Variants in GGTA1 observed in about 807,000 individuals in gnomAD.
GGTA1 encodes the protein glycoprotein alpha-galactosyltransferase 1 (inactive).
In GGTA1, 5 loss-of-function variants were observed where a neutral mutation model predicts 2.6. The ratio of observed to expected loss-of-function variants is 1.92; its 90% CI spans 1.00 to 4.04. GGTA1 has a LOEUF of 4.04. Among genes scored for constraint, GGTA1 ranks in the 30% most tolerant of loss-of-function variants. The pLI is 0.00. For synonymous variants in GGTA1, 17 were observed against 5.0 expected (o/e 3.38, Z -3.19); for missense variants, 50 against 16.7 (o/e 2.99, Z -3.47).
intron 1 of GGTA1, among the ~76,000 whole-genome samples, chr9:121,489,860 T>C (rs1828839645): frequency 1.3e-5 from 2 of 152,184 alleles, no homozygotes; most frequent in African/African-American, 4.8e-5. Context: ...AACTTTCTTC[T>C]TCCTCTGCTA....
At chr9:121,479,264 A>G in intron 1 of GGTA1, 1 of 373,964 alleles carries the variant, frequency 2.7e-6, no homozygotes, top group Non-Finnish European at 5.3e-6. Context: ...GCAAAACAAC[A>G]AAGTTCTTTT....
intron 1 of GGTA1, among the ~76,000 whole-genome samples, chr9:121,471,273 G>A (rs113781327): frequency 3.3e-5 from 5 of 151,080 alleles, no homozygotes; most frequent in African/African-American, 9.7e-5. Context: ...GTCTATTCAC[G>A]TTGCTGTACA....
intron 7 of GGTA1, among the ~76,000 whole-genome samples, chr9:121,449,004 A>G (rs1179502168): frequency 6.6e-6 from 1 of 152,214 alleles, no homozygotes; most frequent in African/African-American, 2.4e-5. Flanking sequence ...CTGAACAATC[A>G]CTGACCTTTT....
intron 1 of GGTA1, among the ~76,000 whole-genome samples, chr9:121,483,867 TACAGAC>T (rs1828702731): frequency 6.6e-6 from 1 of 152,202 alleles, no homozygotes; most frequent in African/African-American, 2.4e-5. Flanking sequence ...CAAAGAATGC[TACAGAC>T]ACAAAGGTTG....
rs567034751 is a variant in GGTA1, at chr9:121,492,553, A to G, written c.-10+7097T>C. 7.0e-4 allele frequency among the ~76,000 whole-genome samples: 106 copies of G among 152,160 alleles called. 1 individual carries two copies. In the South Asian group the frequency reaches 0.021, roughly 31 times the overall value. On this transcript the variant is annotated intron_variant, in intron 1 of 5. Transcript: ENST00000481799. Reference sequence around the variant, plus strand: ...CAATGGCACGATCTTGGCTTACTACAACCTCCACGTCCCGGGTTCAAGTGA... The same window carrying G: ...CAATGGCACGATCTTGGCTTACTACGACCTCCACGTCCCGGGTTCAAGTGA...
chr9:121,466,657 T>A (rs1005759251), intron 2 of GGTA1, among the ~76,000 whole-genome samples: 3 of 151,932 alleles, frequency 2.0e-5, no homozygotes, highest in African/African-American at 7.3e-5. Flanking sequence ...TCTTAGAATT[T>A]AAGAATCAAA....
At chr9:121,454,706 T>A (rs2118753484), downstream of GGTA1, among the ~76,000 whole-genome samples, 1 of 152,286 alleles carries the variant, frequency 6.6e-6, no homozygotes, top group East Asian at 1.9e-4. Context: ...GATCTAAAGG[T>A]AACCCTATTT....
At chr9:121,463,226 G>A (rs572401216) in intron 3 of GGTA1, 67 bp downstream of exon 3, 7 of 450,224 alleles carry the variant, frequency 1.6e-5, no homozygotes, top group South Asian at 9.5e-5. Context: ...GTGAAGAATG[G>A]ACTGTAGGGG....
At chr9:121,478,238 C>T (rs1417776425) in intron 1 of GGTA1, among the ~76,000 whole-genome samples, 1 of 152,184 alleles carries the variant, frequency 6.6e-6, no homozygotes, top group Non-Finnish European at 1.5e-5. Context: ...GCCAGCTCTT[C>T]CTTGGACCAG....
downstream of GGTA1, among the ~76,000 whole-genome samples, chr9:121,451,764 G>T (rs1275322064): frequency 2.6e-5 from 4 of 152,182 alleles, no homozygotes; most frequent in South Asian, 2.1e-4. Flanking sequence ...GGGCCGTAGA[G>T]CATAGGAAAA....
At chr9:121,479,011 C>T in intron 1 of GGTA1, 1 of 449,038 alleles carries the variant, frequency 2.2e-6, no homozygotes, top group African/African-American at 2.0e-5. Flanking sequence ...CAGGCTGCAG[C>T]TTGGCTGCAG....
chr9:121,451,005 T>C (rs1399645869), downstream of GGTA1, among the ~76,000 whole-genome samples: 2 of 151,722 alleles, frequency 1.3e-5, no homozygotes, highest in Admixed American at 6.6e-5. Context: ...AGTCTCTTTA[T>C]ACAAGGCAAA....
intron 1 of GGTA1, among the ~76,000 whole-genome samples, chr9:121,482,203 C>T (rs1264500289): frequency 1.3e-5 from 2 of 151,996 alleles, no homozygotes; most frequent in East Asian, 3.9e-4. Flanking sequence ...CACAGTGGCT[C>T]ACACCTGTAA....
intron 1 of GGTA1, among the ~76,000 whole-genome samples, chr9:121,499,312 G>A (rs910454098): frequency 6.6e-6 from 1 of 151,972 alleles, no homozygotes; most frequent in Non-Finnish European, 1.5e-5. Flanking sequence ...TTACTTGGTC[G>A]CATCCTGTGT....
intron 1 of GGTA1, among the ~76,000 whole-genome samples, chr9:121,493,748 CTTTTTTTTT>C (rs35465171): frequency 1.1e-4 from 4 of 36,626 alleles, no homozygotes; most frequent in Admixed American, 1.1e-3. Context: ...GACTCACTCT[CTTTTTTTTT>C]TTTTTTTTTT....
chr9:121,462,200 C>T (rs1032748511), intron 3 of GGTA1, among the ~76,000 whole-genome samples: 1 of 152,158 alleles, frequency 6.6e-6, no homozygotes, highest in Non-Finnish European at 1.5e-5. Context: ...TGGCAGGTGC[C>T]TATAATCCCA....
intron 5 of GGTA1, among the ~76,000 whole-genome samples, chr9:121,456,731 C>T (rs1361929317): frequency 6.6e-6 from 1 of 151,866 alleles, no homozygotes; most frequent in African/African-American, 2.4e-5. Context: ...CATTAAAATT[C>T]TATGAATCAT....
chr9:121,468,475 AAC>A (rs1449058578), intron 1 of GGTA1, among the ~76,000 whole-genome samples: 6 of 152,210 alleles, frequency 3.9e-5, no homozygotes, highest in Admixed American at 6.5e-5. Context: ...TGCTGCAATA[AAC>A]ACATGTGTGC....
chr9:121,494,534 T>TC (rs1828947000), intron 1 of GGTA1: 1 of 152,350 alleles, frequency 6.6e-6, no homozygotes, highest in East Asian at 1.9e-4. Flanking sequence ...GCATGGTGGC[T>TC]CACACCTACC....
Sources: allele counts gnomAD v4.1 joint callset (sites outside exome capture counted in the v4.1 genomes callset), GRCh38; gene constraint gnomAD v4.1.1; transcripts MANE v1.5; gene names NCBI Gene and HGNC (gene_info 2026-07-23, HGNC 2026-07-21).